ATP8A2: variants seen among roughly 807,000 people sequenced by gnomAD.
The protein encoded by ATP8A2 is phospholipid-transporting ATPase IB.
In ATP8A2, 100 loss-of-function variants were observed where a neutral mutation model predicts 165.6. The observed-to-expected ratio is 0.60, with a 90% confidence interval of 0.51 to 0.71. ATP8A2 has a LOEUF of 0.71. ATP8A2 is among the 30% of genes least tolerant of loss of function. The probability of loss-of-function intolerance (pLI) is 0.00; values close to 1 mark genes in which losing one functional copy is unlikely to be tolerated. For synonymous variants in ATP8A2, 543 were observed against 548.8 expected (o/e 0.99, Z 0.15); for missense variants, 1,227 against 1,479.5 (o/e 0.83, Z 2.80).
intron 1 of ATP8A2, among the ~76,000 whole-genome samples, chr13:25,395,610 A>C (rs2033394964): frequency 6.6e-6 from 1 of 152,186 alleles, no homozygotes; most frequent in Admixed American, 6.5e-5. Flanking sequence ...ATCATAGCTC[A>C]CTGCAGCCTT....
chr13:25,920,892 A>C (rs1449499794), intron 33 of ATP8A2, among the ~76,000 whole-genome samples: 1 of 152,034 alleles, frequency 6.6e-6, no homozygotes, highest in Non-Finnish European at 1.5e-5. Flanking sequence ...GCCTGGTGAA[A>C]ACCTGTCTCT....
rs545703209 is a variant in ATP8A2, at chr13:25,418,690, C to T, written c.76+46402C>T. 4.7e-4 allele frequency among the ~76,000 whole-genome samples: 72 copies of T among 152,284 alleles called. 1 individual carries two copies. The South Asian group carries it at 0.014, about 30-fold the overall frequency. On this transcript the variant is annotated intron_variant, in intron 1 of 36. Transcript: ENST00000381655. ...CTGCCACCTGACAGCATTTGCATGT[C>T]TACAGACAAGGATGATTTTGTATCG...
At chr13:25,557,531 A>G (rs1212351087) in intron 13 of ATP8A2, among the ~76,000 whole-genome samples, 1 of 152,064 alleles carries the variant, frequency 6.6e-6, no homozygotes, top group African/African-American at 2.4e-5. Context: ...TCTGTCTTCT[A>G]TGTTCCCATA....
chr13:25,995,545 C>A (rs1956481385), intron 35 of ATP8A2, among the ~76,000 whole-genome samples: 1 of 151,406 alleles, frequency 6.6e-6, no homozygotes, highest in Non-Finnish European at 1.5e-5. Flanking sequence ...AAGGCTTTTT[C>A]TTTATCCTTT....
chr13:25,962,680 T>A (rs1164494968), intron 34 of ATP8A2, among the ~76,000 whole-genome samples: 1 of 152,180 alleles, frequency 6.6e-6, no homozygotes, highest in Non-Finnish European at 1.5e-5. Context: ...CACAATTATT[T>A]TGGGGCTCTG....
At chr13:25,942,458 T>C (rs1400356644) in intron 33 of ATP8A2, among the ~76,000 whole-genome samples, 2 of 152,180 alleles carry the variant, frequency 1.3e-5, no homozygotes, top group South Asian at 4.1e-4. Flanking sequence ...GTCTCGCTCT[T>C]GTACCCTAGG....
chr13:25,519,070 A>C (rs2037573138), intron 2 of ATP8A2, among the ~76,000 whole-genome samples: 1 of 151,966 alleles, frequency 6.6e-6, no homozygotes, highest in Admixed American at 6.6e-5. Flanking sequence ...CGTTTGCCCA[A>C]ATTGGGCTCT....
chr13:25,681,884 C>CGAA (rs1028049585), intron 24 of ATP8A2, among the ~76,000 whole-genome samples: 4 of 152,104 alleles, frequency 2.6e-5, no homozygotes, highest in South Asian at 2.1e-4. Flanking sequence ...TGAGAACAAA[C>CGAA]GAAGACTTGG....
intron 25 of ATP8A2, among the ~76,000 whole-genome samples, chr13:25,707,300 TA>T (rs1337438259): frequency 4.6e-5 from 7 of 152,220 alleles, no homozygotes; most frequent in African/African-American, 1.7e-4. Flanking sequence ...ATTCTCATCT[TA>T]AATACCTATT....
Position 25,968,626 on chromosome 13 carries a change from A to G in ATP8A2, c.3324A>G (p.Glu1108=). 1 of 1,613,942 alleles carries G rather than the reference A, an allele frequency of 6.2e-7. No homozygotes were observed. Among genetic ancestry groups the G allele is most frequent in the Non-Finnish European group, 8.5e-7 (1 of 1,179,990 alleles). ...TGCTGGAGGAGGTGCAGGAGCTGGA[A>G]ACCAAGTCTCGAGTCCTGGGAAAAG... is the stretch of plus-strand genomic sequence containing the variant. ...KTLLEEVQEL[E]TKSRVLGKAV... The change falls in exon 35 of 37, where the codon GAA becomes GAG. Residue 1108 remains glutamate, a synonymous_variant. Coordinates refer to ENST00000381655, the MANE Select transcript of ATP8A2 (RefSeq NM_016529.6).
intron 25 of ATP8A2, among the ~76,000 whole-genome samples, chr13:25,760,411 T>C (rs2044358311): frequency 6.6e-6 from 1 of 152,218 alleles, no homozygotes; most frequent in African/African-American, 2.4e-5. Context: ...TATTAGAGCC[T>C]GAAATCAGAA....
intron 30 of ATP8A2, among the ~76,000 whole-genome samples, chr13:25,853,670 C>T (rs1171885723): frequency 6.6e-6 from 1 of 151,994 alleles, no homozygotes; most frequent in Non-Finnish European, 1.5e-5. Context: ...CTCTAGGGCC[C>T]CTTAGGGCTA....
chr13:25,531,410 T>TTATATATATGA (rs1411088533), intron 4 of ATP8A2, among the ~76,000 whole-genome samples: 1 of 58,956 alleles, frequency 1.7e-5, no homozygotes, highest in Non-Finnish European at 4.4e-5. Context: ...ATATATATGA[T>TTATATATATGA]TATATATATG....
chr13:25,720,750 C>T (rs1289727270), intron 25 of ATP8A2, among the ~76,000 whole-genome samples: 1 of 152,194 alleles, frequency 6.6e-6, no homozygotes, highest in East Asian at 1.9e-4. Context: ...CTTCCTGATG[C>T]TTGCTTCTTT....
chr13:25,703,560 GA>G (rs937939627), intron 25 of ATP8A2, among the ~76,000 whole-genome samples: 2 of 151,934 alleles, frequency 1.3e-5, no homozygotes, highest in African/African-American at 4.8e-5. Flanking sequence ...CCTCAAATTG[GA>G]AAACAACCCA....
intron 36 of ATP8A2, among the ~76,000 whole-genome samples, chr13:26,016,292 G>A (rs889876360): frequency 4.6e-5 from 7 of 152,270 alleles, no homozygotes; most frequent in Admixed American, 2.0e-4. Flanking sequence ...CAGACCTCAC[G>A]TTGCTCTACT....
chr13:25,682,768 C>G (rs941852508), intron 24 of ATP8A2, among the ~76,000 whole-genome samples: 2 of 152,170 alleles, frequency 1.3e-5, no homozygotes, highest in South Asian at 4.1e-4. Context: ...ATCCCCTGAA[C>G]TCCCCACCCC....
At chr13:25,729,642 C>T (rs967258405) in intron 25 of ATP8A2, among the ~76,000 whole-genome samples, 18 of 151,952 alleles carry the variant, frequency 1.2e-4, no homozygotes, top group African/African-American at 2.4e-4. Flanking sequence ...TGCATGAAGT[C>T]GGTCCTGCCC....
intron 2 of ATP8A2, among the ~76,000 whole-genome samples, chr13:25,478,334 AT>A (rs1311231195): frequency 6.6e-6 from 1 of 152,184 alleles, no homozygotes; most frequent in Non-Finnish European, 1.5e-5. Context: ...AGAAAGTTGC[AT>A]CTAAGTGTTT....
Sources: allele counts gnomAD v4.1 joint callset (sites outside exome capture counted in the v4.1 genomes callset), GRCh38; gene constraint gnomAD v4.1.1; transcripts MANE v1.5; gene names NCBI Gene and HGNC (gene_info 2026-07-23, HGNC 2026-07-21).